KCNK2: variants seen among roughly 807,000 people sequenced by gnomAD.
The protein encoded by KCNK2 is potassium two pore domain channel subfamily K member 2.
KCNK2 carries 21 observed loss-of-function variants against 40.5 expected under a neutral mutation model. That is an observed-to-expected ratio of 0.52 (90% CI 0.37 to 0.75). The LOEUF is 0.75. Among genes scored for constraint, KCNK2 ranks in the 30% least tolerant of loss-of-function variants. The pLI, the probability that KCNK2 is intolerant of heterozygous loss-of-function variation, is 0.00. For synonymous variants in KCNK2, 191 were observed against 202.2 expected, an observed-to-expected ratio of 0.94 and a Z score of 0.47; for missense variants, 399 against 531.6, an observed-to-expected ratio of 0.75 and a Z score of 2.45.
chr1:215,035,954 A>G (rs1056412886), intron 1 of KCNK2, among the ~76,000 whole-genome samples: 1 of 151,506 alleles, frequency 6.6e-6, no homozygotes, highest in East Asian at 1.9e-4. Flanking sequence ...TATTCTGAGT[A>G]TTTGTCCTTT....
intron 5 of KCNK2, among the ~76,000 whole-genome samples, chr1:215,176,375 A>T (rs1391131291): frequency 6.6e-6 from 1 of 151,910 alleles, no homozygotes; most frequent in African/African-American, 2.4e-5. Flanking sequence ...CATGTGCAGG[A>T]TATGAATGTT....
intron 1 of KCNK2, among the ~76,000 whole-genome samples, chr1:215,035,379 G>A (rs959319186): frequency 6.6e-6 from 1 of 152,110 alleles, no homozygotes; most frequent in African/African-American, 2.4e-5. Context: ...AGAATAGTTC[G>A]ATCACTCTAC....
chr1:215,081,811 C>CCTAT (rs1398924082), upstream of KCNK2: 2 of 152,246 alleles, frequency 1.3e-5, no homozygotes, highest in African/African-American at 4.8e-5. Context: ...AGAGAATTCG[C>CCTAT]CTATTACGAC....
intron 1 of KCNK2, among the ~76,000 whole-genome samples, chr1:215,076,581 C>T (rs1173028503): frequency 1.3e-5 from 2 of 152,110 alleles, no homozygotes; most frequent in African/African-American, 4.8e-5. Flanking sequence ...GCTTCTACCA[C>T]AGAAAGAGAA....
chr1:215,040,758 A>T (rs1034364689), intron 1 of KCNK2, among the ~76,000 whole-genome samples: 2 of 152,142 alleles, frequency 1.3e-5, no homozygotes, highest in Non-Finnish European at 2.9e-5. Flanking sequence ...ACTCAGCCGG[A>T]TATCAACTTT....
intron 3 of KCNK2, among the ~76,000 whole-genome samples, chr1:215,139,110 A>C (rs987928341): frequency 6.6e-6 from 1 of 152,200 alleles, no homozygotes; most frequent in Non-Finnish European, 1.5e-5. Context: ...AAGCAATAAG[A>C]AACAAACAAG....
chr1:215,152,715 TC>T (rs1460861579), intron 3 of KCNK2, among the ~76,000 whole-genome samples: 3 of 152,204 alleles, frequency 2.0e-5, no homozygotes, highest in Non-Finnish European at 4.4e-5. Context: ...TTGATTTGTT[TC>T]TATGTATAGC....
At chr1:215,231,695 A>G (rs1666674996) in intron 6 of KCNK2, among the ~76,000 whole-genome samples, 1 of 152,164 alleles carries the variant, frequency 6.6e-6, no homozygotes, top group South Asian at 2.1e-4. Flanking sequence ...GCAAAATCAG[A>G]AAATATTTGT....
At chr1:215,164,455 T>C (rs1316826046) in intron 3 of KCNK2, among the ~76,000 whole-genome samples, 2 of 152,140 alleles carry the variant, frequency 1.3e-5, no homozygotes, top group African/African-American at 4.8e-5. Flanking sequence ...TGTCTTCTGC[T>C]AGCTTTTGAA....
At chr1:215,157,983 T>A (rs1447940098) in intron 3 of KCNK2, among the ~76,000 whole-genome samples, 5 of 152,116 alleles carry the variant, frequency 3.3e-5, no homozygotes, top group Non-Finnish European at 7.4e-5. Flanking sequence ...ATGAGGGAGC[T>A]CTAATTAAGC....
At chr1:215,211,453 C>G (rs932862594) in intron 6 of KCNK2, among the ~76,000 whole-genome samples, 3 of 152,136 alleles carry the variant, frequency 2.0e-5, no homozygotes, top group Non-Finnish European at 2.9e-5. Context: ...CCCCAAGCAC[C>G]CTTGGTTCTC....
At chr1:215,176,650 C>T (rs562461272) in intron 5 of KCNK2, among the ~76,000 whole-genome samples, 79 of 152,204 alleles carry the variant, frequency 5.2e-4, no homozygotes, top group Non-Finnish European at 1.0e-3. Flanking sequence ...CAACCATGTC[C>T]CTGTAAAGGA....
rs1414598357 is a variant in KCNK2 at position 215,082,827 on chromosome 1, C to T, written c.-559C>T. 6.6e-6 allele frequency among the ~76,000 whole-genome samples: 1 copy of T among 151,984 alleles called. No individual in the cohort carries two copies. Among genetic ancestry groups the T allele is most frequent in the Non-Finnish European group, 1.5e-5 (1 of 67,964 alleles). ...GCGGGCGCCCGGACCGTGCCACACA[C>T]CCCCCGCGGGGCACGGAGGGCATTG... On this transcript the variant is annotated 5_prime_UTR_variant, in exon 1 of 7. Transcript: ENST00000444842.
At chr1:215,009,764 A>T (rs1279250555) in intron 1 of KCNK2, among the ~76,000 whole-genome samples, 1 of 152,126 alleles carries the variant, frequency 6.6e-6, no homozygotes, top group Non-Finnish European at 1.5e-5. Context: ...CAAAAAAAAG[A>T]TATAGTATAA....
Position 215,122,044 on chromosome 1 carries a change from A to G in KCNK2, c.358-2589A>G, listed in dbSNP as rs1571636867. On this transcript the variant is annotated intron_variant, in intron 2 of 6. Coordinates refer to ENST00000444842, the MANE Select transcript of KCNK2 (RefSeq NM_001017425.3). ...TGCTGGTGCAGAGGATTGGCAATAT[A>G]TATTTATGTATACAACAGCAATAAC... Among the ~76,000 whole-genome samples the G allele has an allele frequency of 2.6e-5, 4 of 152,266 alleles. No homozygotes were observed. The South Asian group carries it at 8.3e-4, about 32-fold the overall frequency.
chr1:215,112,187 C>T (rs1457210350), intron 2 of KCNK2, among the ~76,000 whole-genome samples: 1 of 151,954 alleles, frequency 6.6e-6, no homozygotes, highest in Non-Finnish European at 1.5e-5. Flanking sequence ...GCTTGCTGGA[C>T]ATATGTTTCA....
intron 1 of KCNK2, among the ~76,000 whole-genome samples, chr1:215,059,187 CT>C (rs143177512): frequency 0.011 from 1,656 of 150,662 alleles, 40 homozygotes; most frequent in South Asian, 0.098. Flanking sequence ...TTATTTCCCC[CT>C]GTCCCTAGAA....
intron 5 of KCNK2, among the ~76,000 whole-genome samples, chr1:215,181,427 A>AT (rs1259291947): frequency 1.3e-5 from 2 of 152,016 alleles, no homozygotes; most frequent in East Asian, 1.9e-4. Flanking sequence ...CTACATTCAG[A>AT]TTTTTTCATG....
chr1:215,095,736 A>C (rs1659948330), intron 2 of KCNK2, among the ~76,000 whole-genome samples: 1 of 151,976 alleles, frequency 6.6e-6, no homozygotes, highest in Non-Finnish European at 1.5e-5. Flanking sequence ...ATGCTTCCTT[A>C]ATTTTAAATT....
Sources: allele counts gnomAD v4.1 joint callset (sites outside exome capture counted in the v4.1 genomes callset), GRCh38; gene constraint gnomAD v4.1.1; transcripts MANE v1.5; gene names NCBI Gene and HGNC (gene_info 2026-07-23, HGNC 2026-07-21).